Variants in SLIT3 observed in about 807,000 individuals in gnomAD.
SLIT3 encodes slit guidance ligand 3.
In SLIT3, 68 loss-of-function variants were observed where a neutral mutation model predicts 184.0. That is an observed-to-expected ratio of 0.37 (90% CI 0.30 to 0.45). SLIT3 has a LOEUF of 0.45. Ranked by LOEUF, SLIT3 falls within the 20% of genes least tolerant of loss-of-function variation. The probability of loss-of-function intolerance (pLI) is 1.00; values close to 1 mark genes in which losing one functional copy is unlikely to be tolerated. For missense variants in SLIT3, 1,707 were observed against 2,026.0 expected (o/e 0.84, Z 3.02); for synonymous variants, 831 against 828.6 (o/e 1.00, Z -0.05).
At chr5:168,891,420 C>T (rs1365402651) in intron 4 of SLIT3, among the ~76,000 whole-genome samples, 1 of 152,168 alleles carries the variant, frequency 6.6e-6, no homozygotes, top group East Asian at 1.9e-4. Flanking sequence ...CAGAAGAAAA[C>T]CAAGCACTTT....
intron 34 of SLIT3, 83 bp downstream of exon 34, chr5:168,671,115 G>C: frequency 2.1e-6 from 3 of 1,461,816 alleles, no homozygotes; most frequent in Non-Finnish European, 2.8e-6. Context: ...CCAGCCTCCA[G>C]TAGTGCCTAT....
At chr5:168,926,348 G>A (rs914702429) in intron 4 of SLIT3, among the ~76,000 whole-genome samples, 2 of 152,226 alleles carry the variant, frequency 1.3e-5, no homozygotes, top group African/African-American at 4.8e-5. Context: ...GTCCTGAGAA[G>A]GGGCTCATTT....
chr5:169,258,589 T>C (rs1387951929), intron 1 of SLIT3, among the ~76,000 whole-genome samples: 1 of 152,192 alleles, frequency 6.6e-6, no homozygotes, highest in Non-Finnish European at 1.5e-5. Context: ...TTTGGATTGT[T>C]TTTCCCCATC....
chr5:169,099,266 C>A (rs1459413350), intron 4 of SLIT3, among the ~76,000 whole-genome samples: 1 of 152,120 alleles, frequency 6.6e-6, no homozygotes, highest in Non-Finnish European at 1.5e-5. Flanking sequence ...GGCACAGAAG[C>A]CCCCAAGACA....
chr5:169,191,179 T>G (rs989313537), intron 4 of SLIT3, among the ~76,000 whole-genome samples: 5 of 152,174 alleles, frequency 3.3e-5, no homozygotes, highest in Non-Finnish European at 5.9e-5. Flanking sequence ...GAATAGTGGA[T>G]AAAAGAATCA....
rs1445476314 is a variant in SLIT3, at chr5:168,774,266, GC to G, written c.1263del (p.Leu422SerfsTer13). On this transcript the variant is annotated frameshift_variant, in exon 13 of 36. Transcript: ENST00000519560. LOFTEE classifies it high-confidence loss of function. ...YDNKLQTISK[G>X]LFAPLQSIQT... is the part of the protein sequence containing the mutation. The stretch of plus-strand genomic sequence containing the variant: ...TGGATGGACTGCAGAGGGGCGAAGA[GC>G]CCCTTGCTGATGGTCTGCAGCTTGT... The G allele has an allele frequency of 6.2e-7, 1 of 1,613,928 alleles. No homozygotes were observed. The highest frequency in any genetic ancestry group is 1.1e-5 in the South Asian group (1 of 91,050).
intron 3 of SLIT3, among the ~76,000 whole-genome samples, chr5:169,225,654 G>A (rs12109223): frequency 0.03 from 4,501 of 152,318 alleles, 239 homozygotes; most frequent in African/African-American, 0.1. Context: ...AAGGCTTCCC[G>A]GAGGAAGTGA....
At chr5:169,090,631 A>T (rs1759543602) in intron 4 of SLIT3, among the ~76,000 whole-genome samples, 1 of 152,202 alleles carries the variant, frequency 6.6e-6, no homozygotes, top group South Asian at 2.1e-4. Context: ...AAAAGATGTG[A>T]CTAAGACGTG....
At chr5:168,812,243 G>A (rs1344744368) in intron 8 of SLIT3, among the ~76,000 whole-genome samples, 4 of 152,210 alleles carry the variant, frequency 2.6e-5, no homozygotes, top group Non-Finnish European at 5.9e-5. Flanking sequence ...TGATCCGCAT[G>A]TATGAAGTTA....
intron 3 of SLIT3, among the ~76,000 whole-genome samples, chr5:169,240,876 G>A (rs941479537): frequency 7.8e-5 from 11 of 141,240 alleles, no homozygotes; most frequent in African/African-American, 2.8e-4. Context: ...TAATTTTTTG[G>A]CTTTTTTTTT....
chr5:169,066,942 GAAA>G (rs60977256), intron 4 of SLIT3, among the ~76,000 whole-genome samples: 5,356 of 80,320 alleles, frequency 0.067, 107 homozygotes, highest in Middle Eastern at 0.12. Flanking sequence ...TCCCTTTCCT[GAAA>G]AAAAAAAAAA....
At chr5:168,990,065 A>G (rs1755269460) in intron 4 of SLIT3, among the ~76,000 whole-genome samples, 1 of 152,310 alleles carries the variant, frequency 6.6e-6, no homozygotes, top group Non-Finnish European at 1.5e-5. Context: ...AAGCTGGCAG[A>G]TTCCTAGTTC....
intron 9 of SLIT3, among the ~76,000 whole-genome samples, chr5:168,802,048 G>A (rs1250039375): frequency 3.9e-5 from 6 of 151,914 alleles, no homozygotes; most frequent in African/African-American, 1.4e-4. Context: ...TTGAGAATAG[G>A]GAGTGGAGAG....
intron 4 of SLIT3, among the ~76,000 whole-genome samples, chr5:169,141,200 G>T (rs532774879): frequency 6.6e-6 from 1 of 152,066 alleles, no homozygotes; most frequent in African/African-American, 2.4e-5. Flanking sequence ...GGTCTACCCC[G>T]ACATGACCCC....
At chr5:168,700,149 G>A (rs918852906) in intron 27 of SLIT3, among the ~76,000 whole-genome samples, 5 of 152,174 alleles carry the variant, frequency 3.3e-5, no homozygotes, top group East Asian at 1.9e-4. Flanking sequence ...GCACGCCCTC[G>A]CTGGTCGTAT....
Position 168,726,218 on chromosome 5 carries a change from A to G in SLIT3, c.2271-1734T>C, listed in dbSNP as rs372343781. Among the ~76,000 whole-genome samples, 9 of 151,898 alleles carry G rather than the reference A, an allele frequency of 5.9e-5. No homozygotes were observed. In the East Asian group the frequency reaches 7.9e-4, roughly 13 times the overall value. The stretch of plus-strand genomic sequence containing the variant: ...AAAGCCAAGAGAAATGCATTCATTC[A>G]TGCATGCATTCATTCAAGCCCAAGT... On this transcript the variant is annotated intron_variant, in intron 20 of 35. Coordinates refer to ENST00000519560, the MANE Select transcript of SLIT3 (RefSeq NM_003062.4).
chr5:168,727,754 G>A (rs904168194), intron 20 of SLIT3, among the ~76,000 whole-genome samples: 3 of 152,176 alleles, frequency 2.0e-5, no homozygotes, highest in Non-Finnish European at 2.9e-5. Flanking sequence ...GGGCTCAGCC[G>A]GTGGTGGGAA....
chr5:169,298,520 T>C lies in SLIT3; in HGVS notation c.197+1993A>G, dbSNP rs111705820. Among the ~76,000 whole-genome samples, 1,126 of 152,240 alleles carry C rather than the reference T, an allele frequency of 7.4e-3. 14 individuals are homozygous for C. Among genetic ancestry groups the C allele is most frequent in the African/African-American group, 0.026 (1,081 of 41,530 alleles). ...CACGATTTTGAAGATGCGGAAGATG[T>C]AGTTGCGAGACCCCAAGCAGCAGAC... On this transcript the variant is annotated intron_variant, in intron 1 of 35. Coordinates refer to ENST00000519560, the MANE Select transcript of SLIT3 (RefSeq NM_003062.4).
rs1380002194 is a variant in SLIT3 at position 168,687,026 on chromosome 5, G to A, written c.3267C>T (p.Cys1089=). 41 of 1,614,126 alleles carry A rather than the reference G, an allele frequency of 2.5e-5. No individual in the cohort carries two copies. The highest frequency in any genetic ancestry group is 1.6e-4 in the Middle Eastern group (1 of 6,084). Residue 1089 remains cysteine (C), a synonymous_variant, in exon 30 of 36, where the codon TGC becomes TGT. Transcript: ENST00000519560. ...VAHKCRHGAQ[C]VDTINGYTCT... is the part of the protein sequence containing the mutation. ...ATGTGTAGCCATTGATTGTGTCCACGCACTGGGCCCCGTGGCGGCACTTGT... is the reference window on the plus strand; with the variant it reads ...ATGTGTAGCCATTGATTGTGTCCACACACTGGGCCCCGTGGCGGCACTTGT...
Sources: gnomAD v4.1 joint callset for allele counts (sites outside exome capture counted in the v4.1 genomes callset) on GRCh38, gnomAD v4.1.1 for gene constraint, MANE v1.5 for transcripts, NCBI Gene and HGNC (gene_info 2026-07-23, HGNC 2026-07-21) for gene names.